Variants in USP34 observed in about 807,000 individuals in gnomAD.
USP34 encodes ubiquitin specific peptidase 34.
A neutral mutation model predicts 460.3 loss-of-function variants in USP34; 70 were observed. The observed-to-expected ratio is 0.15, with a 90% CI of 0.13 to 0.19. The LOEUF is 0.19. Ranked by LOEUF, USP34 falls within the 10% of genes least tolerant of loss-of-function variation. The pLI is 1.00. For synonymous variants in USP34, 1,647 were observed against 1,405.3 expected (o/e 1.17, Z -3.85); for missense variants, 3,985 against 4,236.2 (o/e 0.94, Z 1.65).
intron 10 of USP34, among the ~76,000 whole-genome samples, chr2:61,362,943 A>ATTTT (rs1381153632): frequency 6.6e-6 from 1 of 152,212 alleles, no homozygotes; most frequent in East Asian, 1.9e-4. Flanking sequence ...ACTTAGAGAA[A>ATTTT]TTATATGCAA....
chr2:61,348,376 A>G lies in USP34; in HGVS notation c.1779T>C (p.Val593=). The change falls in exon 15 of 80, where the codon GTT becomes GTC. Residue 593 remains valine (V), a synonymous_variant. Transcript: ENST00000398571. ...CTGACTGGCTTGCGTGGCTAGAATT[A>G]ACCTCATTGCTAGATCCATCACTAT... The part of the protein sequence containing the change: ...SGHSDGSSNE[V]NSSHASQSAG... The G allele has an allele frequency of 6.2e-7, 1 of 1,613,998 alleles. No homozygotes were observed. Among genetic ancestry groups the G allele is most frequent in the African/African-American group, 1.3e-5 (1 of 75,034 alleles).
chr2:61,355,825 A>AT (rs1259670315), intron 10 of USP34, among the ~76,000 whole-genome samples: 1 of 152,168 alleles, frequency 6.6e-6, no homozygotes, highest in African/African-American at 2.4e-5. Flanking sequence ...CAGAATTGGT[A>AT]TTTTTTTAAA....
chr2:61,271,351 A>G (rs1466287595), intron 41 of USP34, among the ~76,000 whole-genome samples: 3 of 152,200 alleles, frequency 2.0e-5, no homozygotes, highest in Non-Finnish European at 4.4e-5. Context: ...ATCTCTGATG[A>G]TATCTCTTTT....
chr2:61,408,306 G>A (rs1029770070), intron 2 of USP34, among the ~76,000 whole-genome samples: 2 of 152,022 alleles, frequency 1.3e-5, no homozygotes, highest in South Asian at 4.1e-4. Flanking sequence ...CCAAATTCCT[G>A]TCCCATTGAA....
chr2:61,401,446 C>T (rs1485808176), intron 3 of USP34, among the ~76,000 whole-genome samples: 1 of 151,458 alleles, frequency 6.6e-6, no homozygotes, highest in Non-Finnish European at 1.5e-5. Context: ...CTATGTTGCC[C>T]AGCCTAGACT....
intron 42 of USP34, chr2:61,265,768 C>A (rs1689027655): frequency 2.9e-6 from 2 of 682,608 alleles, no homozygotes; most frequent in Non-Finnish European, 2.1e-6. Context: ...TTACTTGGCC[C>A]CAAATTACTT....
Position 61,198,377 on chromosome 2 carries a change from G to A in USP34, c.9508+4763C>T, listed in dbSNP as rs574469621. ...TGGTTTACTTAACCAAGCTCCTACT[G>A]ATAGACATTTGGGTTGTTTCCAGTT... On this transcript the variant is annotated intron_variant, in intron 75 of 79. Coordinates refer to ENST00000398571, the MANE Select transcript of USP34 (RefSeq NM_014709.4). Among the ~76,000 whole-genome samples the A allele has an allele frequency of 1.3e-4, 20 of 152,208 alleles. 1 individual carries two copies. The highest frequency in any genetic ancestry group is 4.8e-4 in the African/African-American group (20 of 41,540).
intron 48 of USP34, among the ~76,000 whole-genome samples, chr2:61,251,135 C>T (rs1159396849): frequency 6.6e-6 from 1 of 151,694 alleles, no homozygotes; most frequent in Admixed American, 6.6e-5. Context: ...GAGACTCCAT[C>T]TCAAAAAAAA....
At chr2:61,468,436 G>A (rs1344323415) in intron 1 of USP34, among the ~76,000 whole-genome samples, 3 of 152,186 alleles carry the variant, frequency 2.0e-5, no homozygotes, top group African/African-American at 7.2e-5. Flanking sequence ...GCCAACCTTG[G>A]CCTCGCAAAG....
intron 32 of USP34, among the ~76,000 whole-genome samples, chr2:61,294,483 A>G (rs1162062784): frequency 2.0e-5 from 3 of 151,956 alleles, no homozygotes; most frequent in Non-Finnish European, 4.4e-5. Context: ...CTGTGGTGCG[A>G]TCTCAGCTCA....
intron 10 of USP34, among the ~76,000 whole-genome samples, chr2:61,357,414 A>G (rs1267156656): frequency 6.6e-6 from 1 of 152,200 alleles, no homozygotes; most frequent in Non-Finnish European, 1.5e-5. Flanking sequence ...TGCAGAAAGA[A>G]CAATGTTCAG....
chr2:61,333,789 A>G, intron 19 of USP34, 93 bp downstream of exon 19: 1 of 821,348 alleles, frequency 1.2e-6, no homozygotes, highest in Non-Finnish European at 1.7e-6. Context: ...TTCCTGGTAC[A>G]GAGTAAAAGC....
intron 5 of USP34, among the ~76,000 whole-genome samples, chr2:61,385,865 G>A (rs879301334): frequency 6.6e-5 from 10 of 150,716 alleles, no homozygotes; most frequent in African/African-American, 1.7e-4. Context: ...GTGTGGTGAC[G>A]CGCACCTGTA....
At chr2:61,336,427 C>G (rs1572945386) in intron 18 of USP34, among the ~76,000 whole-genome samples, 1 of 151,568 alleles carries the variant, frequency 6.6e-6, no homozygotes, top group Admixed American at 6.6e-5. Flanking sequence ...TACCTGGTCC[C>G]TTTTGGATCT....
At chr2:61,413,404 A>G (rs1353037047) in intron 2 of USP34, among the ~76,000 whole-genome samples, 1 of 146,772 alleles carries the variant, frequency 6.8e-6, no homozygotes, top group Non-Finnish European at 1.5e-5. Flanking sequence ...AAATTAAAAT[A>G]AAAAAATAAA....
chr2:61,226,806 T>A (rs1481794595), intron 62 of USP34: 1 of 346,854 alleles, frequency 2.9e-6, no homozygotes, highest in Non-Finnish European at 5.0e-6. Flanking sequence ...GATATTTTAC[T>A]GTATATTTTT....
chr2:61,222,757 C>A, intron 64 of USP34, 94 bp from the exon 65 acceptor site: 1 of 1,164,290 alleles, frequency 8.6e-7, no homozygotes, highest in East Asian at 2.5e-5. Context: ...GATGCAGTGG[C>A]GAGATCACAG....
At position 61,457,929 on chromosome 2, in the gene USP34, T is replaced by C. The variant is rs1235671010; in HGVS notation, c.43+12721A>G. 9.9e-5 allele frequency among the ~76,000 whole-genome samples: 15 copies of C among 152,278 alleles called. No homozygotes were observed. In the East Asian group the frequency reaches 2.5e-3, roughly 25 times the overall value. On this transcript the variant is annotated intron_variant, in intron 1 of 79. Coordinates refer to ENST00000398571, the MANE Select transcript of USP34 (RefSeq NM_014709.4). ...AGCAAGACATCACAAAAGCAAGGAC[T>C]GACAGTACTTGATATATCCGAGAAA...
chr2:61,454,040 G>A (rs114711500), intron 1 of USP34, among the ~76,000 whole-genome samples: 2,230 of 152,194 alleles, frequency 0.015, 40 homozygotes, highest in African/African-American at 0.05. Flanking sequence ...AAGACAGCTA[G>A]ATTTATATAA....
Sources: allele counts gnomAD v4.1 joint callset (sites outside exome capture counted in the v4.1 genomes callset), GRCh38; gene constraint gnomAD v4.1.1; transcripts MANE v1.5; gene names NCBI Gene and HGNC (gene_info 2026-07-23, HGNC 2026-07-21).